SLC7A14: variants seen among roughly 807,000 people sequenced by gnomAD.
The protein encoded by SLC7A14 is solute carrier family 7 member 14.
In SLC7A14, 37 loss-of-function variants were observed where a neutral mutation model predicts 60.2. That is an observed-to-expected ratio of 0.61 (90% confidence interval 0.47 to 0.81). SLC7A14 has a LOEUF of 0.81. Among genes scored for constraint, SLC7A14 ranks in the 30% least tolerant of loss-of-function variants. The probability of loss-of-function intolerance (pLI) is 0.00; values close to 1 mark genes in which losing one functional copy is unlikely to be tolerated. For synonymous variants in SLC7A14, 399 were observed against 395.8 expected, an observed-to-expected ratio of 1.01 and a Z score of -0.10; for missense variants, 886 against 982.7, an observed-to-expected ratio of 0.90 and a Z score of 1.32.
At chr3:170,520,837 GA>G (rs1417238401) in intron 2 of SLC7A14, among the ~76,000 whole-genome samples, 4 of 152,182 alleles carry the variant, frequency 2.6e-5, no homozygotes, top group Admixed American at 1.3e-4. Flanking sequence ...ACTCAAATAA[GA>G]GCCTCTTGGG....
rs186862844 is a variant in SLC7A14, at chr3:170,542,653, G to A, written c.-152-15565C>T. Among the ~76,000 whole-genome samples, 11 of 152,294 alleles carry A rather than the reference G, an allele frequency of 7.2e-5. No homozygotes were observed. The East Asian group carries it at 2.1e-3, about 29-fold the overall frequency. On this transcript the variant is annotated intron_variant, in intron 1 of 7. Coordinates refer to ENST00000231706, the MANE Select transcript of SLC7A14 (RefSeq NM_020949.3). Reference sequence around the variant, plus strand: ...TCCTTCTTAAAAAGATTTGGATTTCGTCTCACAACAGTGAAAGCCGTGGGT... The same window carrying A: ...TCCTTCTTAAAAAGATTTGGATTTCATCTCACAACAGTGAAAGCCGTGGGT...
At chr3:170,528,210 A>G (rs187435522) in intron 1 of SLC7A14, among the ~76,000 whole-genome samples, 2 of 152,208 alleles carry the variant, frequency 1.3e-5, no homozygotes, top group Non-Finnish European at 2.9e-5. Context: ...AGGATACTAA[A>G]AGGAGGTATG....
chr3:170,489,314 T>C (rs1422978160), intron 4 of SLC7A14, among the ~76,000 whole-genome samples: 1 of 152,182 alleles, frequency 6.6e-6, no homozygotes, highest in African/African-American at 2.4e-5. Flanking sequence ...TGAATAGACA[T>C]TTCTCAAAAG....
In SLC7A14 at chr3:170,562,901, C is replaced by G. The variant is rs1714692605; in HGVS notation, c.-153+23010G>C. 2.0e-5 allele frequency among the ~76,000 whole-genome samples: 3 copies of G among 152,026 alleles called. No homozygotes were observed. The South Asian group carries it at 6.2e-4, about 32-fold the overall frequency. ...TCAGCCTCCTGAGTAGCTGGGATTACAGGTGCACACTACCACTCCTGTCTA... is the reference window on the plus strand; with the variant it reads ...TCAGCCTCCTGAGTAGCTGGGATTAGAGGTGCACACTACCACTCCTGTCTA... On this transcript the variant is annotated intron_variant, in intron 1 of 7. Transcript: ENST00000231706.
chr3:170,480,525 C>A lies in SLC7A14; in HGVS notation c.1757G>T (p.Gly586Val), dbSNP rs1468488622. ...GCTCTGCTCTGAGATGTAGTCAGAACCAAAGATGATGAAGGAGCAGAAGAT... is the reference window on the plus strand; with the variant it reads ...GCTCTGCTCTGAGATGTAGTCAGAAACAAAGATGATGAAGGAGCAGAAGAT... ...MFIFCSFIIF[G>V]SDYISEQSWW... The change falls in exon 7 of 8, where the codon GGT becomes GTT. Residue 586 changes from glycine to valine, a missense_variant. Transcript: ENST00000231706. The A allele has an allele frequency of 5.0e-6, 8 of 1,614,166 alleles. No homozygotes were observed. Among genetic ancestry groups the A allele is most frequent in the Non-Finnish European group, 6.8e-6 (8 of 1,180,042 alleles).
chr3:170,567,636 G>A (rs1472646332), intron 1 of SLC7A14, among the ~76,000 whole-genome samples: 2 of 149,960 alleles, frequency 1.3e-5, no homozygotes, highest in Non-Finnish European at 3.0e-5. Context: ...CAGTGTAAAA[G>A]TGTTCCTATT....
intron 2 of SLC7A14, among the ~76,000 whole-genome samples, chr3:170,504,963 G>A (rs1348034341): frequency 6.6e-6 from 1 of 152,200 alleles, no homozygotes; most frequent in Non-Finnish European, 1.5e-5. Context: ...ATTCTGCAAT[G>A]TGACTGACTC....
At chr3:170,509,547 C>T (rs1198599226) in intron 2 of SLC7A14, among the ~76,000 whole-genome samples, 1 of 152,230 alleles carries the variant, frequency 6.6e-6, no homozygotes, top group Non-Finnish European at 1.5e-5. Flanking sequence ...CGGTGGCTCA[C>T]ACCTGTAATC....
intron 2 of SLC7A14, among the ~76,000 whole-genome samples, chr3:170,508,713 A>C (rs1484928157): frequency 6.6e-6 from 1 of 152,150 alleles, no homozygotes; most frequent in Non-Finnish European, 1.5e-5. Flanking sequence ...ACTTTTCTTA[A>C]AACATCTCTG....
intron 2 of SLC7A14, among the ~76,000 whole-genome samples, chr3:170,502,207 A>G (rs983598936): frequency 1.6e-4 from 24 of 152,234 alleles, no homozygotes; most frequent in African/African-American, 5.8e-4. Context: ...TTAGGAGGAG[A>G]TGACGCTGGC....
At chr3:170,512,242 C>T (rs184341356) in intron 2 of SLC7A14, among the ~76,000 whole-genome samples, 196 of 152,300 alleles carry the variant, frequency 1.3e-3, no homozygotes, top group African/African-American at 4.5e-3. Context: ...TGAGCCCTCA[C>T]GTGGCCTCCC....
At chr3:170,527,129 G>A in intron 1 of SLC7A14, 41 bp from the exon 2 acceptor site, 1 of 624,960 alleles carries the variant, frequency 1.6e-6, no homozygotes, top group Non-Finnish European at 2.8e-6. Context: ...GAGACCGAGT[G>A]AGAAACAAAC....
intron 1 of SLC7A14, among the ~76,000 whole-genome samples, chr3:170,548,564 T>C (rs1714244206): frequency 6.6e-6 from 1 of 152,228 alleles, no homozygotes; most frequent in Non-Finnish European, 1.5e-5. Flanking sequence ...CCTAGCTTAG[T>C]TGTTCCCATG....
At chr3:170,546,738 C>T (rs1268783024) in intron 1 of SLC7A14, among the ~76,000 whole-genome samples, 1 of 152,152 alleles carries the variant, frequency 6.6e-6, no homozygotes. Flanking sequence ...TACTGATGGA[C>T]AGCTTGCCTT....
intron 7 of SLC7A14, among the ~76,000 whole-genome samples, chr3:170,470,692 A>C (rs1739874198): frequency 7.0e-6 from 1 of 142,802 alleles, no homozygotes; most frequent in Admixed American, 6.9e-5. Flanking sequence ...AGAAAAATGG[A>C]GGGGGACAAA....
chr3:170,501,343 C>T lies in SLC7A14; in HGVS notation c.307G>A (p.Val103Ile), dbSNP rs756676556. 63 of 1,613,354 alleles carry T rather than the reference C, an allele frequency of 3.9e-5. No homozygotes were observed. The highest frequency in any genetic ancestry group is 3.3e-4 in the Middle Eastern group (2 of 6,080). The part of the protein sequence containing the change: ...IAAVASILSG[V>I]CYAEFGVRVP... ...CGAACTCCAAACTCTGCATAGCAGA[C>T]GCCTGCAAGGGACAGACATACACAG... Residue 103 changes from valine to isoleucine, a missense_variant and splice_region_variant, in exon 3 of 8, where the codon GTC (valine) becomes ATC (isoleucine). Coordinates refer to ENST00000231706, the MANE Select transcript of SLC7A14 (RefSeq NM_020949.3).
intron 2 of SLC7A14, among the ~76,000 whole-genome samples, chr3:170,503,862 C>CA (rs1712687496): frequency 2.0e-5 from 3 of 152,160 alleles, no homozygotes; most frequent in Non-Finnish European, 4.4e-5. Flanking sequence ...ATGGACCAGT[C>CA]CATTGCTGTC....
At chr3:170,577,108 A>T (rs1715113547) in intron 1 of SLC7A14, among the ~76,000 whole-genome samples, 3 of 152,174 alleles carry the variant, frequency 2.0e-5, no homozygotes, top group African/African-American at 7.2e-5. Flanking sequence ...GACTAACTCT[A>T]TGGTTAACAA....
intron 4 of SLC7A14, chr3:170,496,327 A>G: frequency 1.9e-6 from 2 of 1,065,166 alleles, no homozygotes; most frequent in African/African-American, 3.1e-5. Context: ...CACGGGGATG[A>G]CCTGCGGTGT....
Sources: allele counts gnomAD v4.1 joint callset (sites outside exome capture counted in the v4.1 genomes callset), GRCh38; gene constraint gnomAD v4.1.1; transcripts MANE v1.5; gene names NCBI Gene and HGNC (gene_info 2026-07-23, HGNC 2026-07-21).